Variants in SCN11A observed in about 807,000 individuals in gnomAD.
SCN11A encodes sodium voltage-gated channel alpha subunit 11.
In SCN11A, 122 loss-of-function variants were observed where a neutral mutation model predicts 162.2. The ratio of observed to expected loss-of-function variants is 0.75; its 90% CI spans 0.65 to 0.87. SCN11A has a LOEUF of 0.87. Ranked by LOEUF, SCN11A falls within the 40% of genes least tolerant of loss-of-function variation. SCN11A has a pLI of 0.00. For missense variants in SCN11A, 2,015 were observed against 2,181.6 expected (o/e 0.92, Z 1.52); for synonymous variants, 758 against 751.5 (o/e 1.01, Z -0.14).
intron 2 of SCN11A, among the ~76,000 whole-genome samples, chr3:38,990,265 G>A (rs2030410393): frequency 6.6e-6 from 1 of 152,130 alleles, no homozygotes; most frequent in Non-Finnish European, 1.5e-5. Context: ...GAAACTGCTG[G>A]GCCCCGGGCT....
At position 38,846,627 on chromosome 3, in the gene SCN11A, T is replaced by A. The variant is rs2064667398; in HGVS notation, c.*67A>T. On this transcript the variant is annotated 3_prime_UTR_variant, in exon 30 of 30. Transcript: ENST00000302328. The stretch of plus-strand genomic sequence containing the variant: ...ACTCCCTGTTGATACACTAAGCTGC[T>A]GACCCCTGGAGCTCAGAGGCTGAAG... 5 of 1,285,790 alleles carry A rather than the reference T, an allele frequency of 3.9e-6. No individual in the cohort carries two copies. The Admixed American group carries it at 9.5e-5, about 24-fold the overall frequency. The allele number at this position is 1,285,790 out of a possible 1,614,324, so 79.6% of individuals were successfully genotyped here. A position where few individuals can be genotyped will look rare whatever the true frequency, so the allele number is the denominator to read the frequency against.
intron 17 of SCN11A, among the ~76,000 whole-genome samples, chr3:38,897,761 AT>A (rs1359341026): frequency 2.0e-5 from 3 of 151,788 alleles, no homozygotes; most frequent in African/African-American, 7.3e-5. Context: ...TTTTTTAATC[AT>A]TAAGGACTTT....
intron 7 of SCN11A, among the ~76,000 whole-genome samples, chr3:38,937,143 T>C (rs1357046347): frequency 6.6e-6 from 1 of 152,046 alleles, no homozygotes; most frequent in Non-Finnish European, 1.5e-5. Flanking sequence ...ATTTAATAAA[T>C]GGTGCTGGGA....
chr3:38,849,377 A>C (rs1410728351), intron 29 of SCN11A: 1 of 149,572 alleles, frequency 6.7e-6, no homozygotes. Flanking sequence ...ATCTATTGAT[A>C]AGCTTTATCT....
At chr3:38,849,864 G>A (rs1273726546) in intron 29 of SCN11A, 2 of 152,176 alleles carry the variant, frequency 1.3e-5, no homozygotes, top group East Asian at 3.8e-4. Flanking sequence ...TGGTAAGCGG[G>A]GTCAAAGAAT....
Position 38,871,575 on chromosome 3 carries a change from C to T in SCN11A, c.3629G>A (p.Gly1210Glu), listed in dbSNP as rs2065126612. 1 of 1,613,124 alleles carries T rather than the reference C, an allele frequency of 6.2e-7. No homozygotes were observed. The highest frequency in any genetic ancestry group is 8.5e-7 in the Non-Finnish European group (1 of 1,179,386). ...GGTATAATTTATAACTGAGTCTGTT[C>T]CATTAATGCATTTCCCAAATTTTCC... is the stretch of plus-strand genomic sequence containing the variant. Reference protein sequence around the residue: ...FSGKFGKCINGTDSVINYTII... With the variant: ...FSGKFGKCINETDSVINYTII... The change falls in exon 25 of 30, where the codon GGA (glycine) becomes GAA (glutamate). Residue 1210 changes from glycine (G) to glutamate (E), a missense_variant. Transcript: ENST00000302328.
intron 11 of SCN11A, among the ~76,000 whole-genome samples, chr3:38,915,331 G>C (rs2065944638): frequency 6.6e-6 from 1 of 151,712 alleles, no homozygotes. Context: ...TGTTTATTTG[G>C]ATTTCCTTAT....
chr3:38,847,184 A>G lies in SCN11A; in HGVS notation c.4886T>C (p.Val1629Ala). Residue 1629 changes from valine to alanine, a missense_variant, in exon 30 of 30, where the codon GTG (valine) becomes GCG (alanine). Physicochemically the swap from Val to Ala is moderately conservative, Grantham distance 64 (BLOSUM62 0). Transcript: ENST00000302328. ...TGCTTCTGGGTCAAACTTTTCCCACACTTCATAAAATATGTCAAAGTCATC... is the reference window on the plus strand; with the variant it reads ...TGCTTCTGGGTCAAACTTTTCCCACGCTTCATAAAATATGTCAAAGTCATC... ...GEDDFDIFYE[V>A]WEKFDPEATQ... 6.2e-7 allele frequency: 1 copy of G among 1,614,094 alleles called. No individual in the cohort carries two copies. Among genetic ancestry groups the G allele is most frequent in the East Asian group, 2.2e-5 (1 of 44,876 alleles).
chr3:38,907,985 A>T lies in SCN11A; in HGVS notation c.1437T>A (p.Pro479=). The T allele has an allele frequency of 6.2e-7, 1 of 1,610,262 alleles. No homozygotes were observed. Among genetic ancestry groups the T allele is most frequent in the Non-Finnish European group, 8.5e-7 (1 of 1,179,190 alleles). Residue 479 remains proline, a synonymous_variant, in exon 14 of 30, where the codon CCT becomes CCA. Coordinates refer to ENST00000302328, the MANE Select transcript of SCN11A (RefSeq NM_001349253.2). ...AATCTTCATCAGAATCTGACCCAGG[A>T]GGCTGGTCTTTCCCAGACTCTCTCA... ...FFLRESGKDQ[P]PGSDSDEDCQ...
chr3:38,966,944 T>G lies in SCN11A; in HGVS notation c.-279-6521A>C, dbSNP rs112901030. Among the ~76,000 whole-genome samples, 784 of 152,308 alleles carry G rather than the reference T, an allele frequency of 5.1e-3. 11 individuals carry two copies. The highest frequency in any genetic ancestry group is 0.018 in the African/African-American group (765 of 41,558). On this transcript the variant is annotated intron_variant, in intron 2 of 29. Coordinates refer to ENST00000302328, the MANE Select transcript of SCN11A (RefSeq NM_001349253.2). Reference sequence around the variant, plus strand: ...CAAGCACTCCAGTGTGGGAGTTTATTTGGAAAGTGATCTCAGGAAACAGGA... The same window carrying G: ...CAAGCACTCCAGTGTGGGAGTTTATGTGGAAAGTGATCTCAGGAAACAGGA...
chr3:38,941,530 T>C (rs1185021107), intron 7 of SCN11A, among the ~76,000 whole-genome samples: 1 of 152,210 alleles, frequency 6.6e-6, no homozygotes, highest in East Asian at 1.9e-4. Context: ...GGGTTTATTG[T>C]GTACATTAGC....
intron 2 of SCN11A, among the ~76,000 whole-genome samples, chr3:38,969,111 G>A (rs1370940750): frequency 6.6e-6 from 1 of 152,184 alleles, no homozygotes; most frequent in Non-Finnish European, 1.5e-5. Flanking sequence ...TGGTTGGAGG[G>A]AGGAAGGGAA....
At chr3:38,980,120 TCA>T (rs1491439778) in intron 2 of SCN11A, among the ~76,000 whole-genome samples, 1 of 152,084 alleles carries the variant, frequency 6.6e-6, no homozygotes, top group Non-Finnish European at 1.5e-5. Flanking sequence ...GAGGAAGCTC[TCA>T]GAGGTGCAGA....
At chr3:38,909,429 C>T (rs985298421) in intron 12 of SCN11A, among the ~76,000 whole-genome samples, 1 of 152,100 alleles carries the variant, frequency 6.6e-6, no homozygotes, top group Non-Finnish European at 1.5e-5. Context: ...ACTTTACTAT[C>T]TATAACTCTC....
intron 23 of SCN11A, among the ~76,000 whole-genome samples, chr3:38,873,732 C>T (rs2065164934): frequency 6.6e-6 from 1 of 152,144 alleles, no homozygotes; most frequent in Non-Finnish European, 1.5e-5. Flanking sequence ...ATCAGTGAGA[C>T]ACATAGAAAC....
Position 38,904,000 on chromosome 3 carries a change from G to A in SCN11A, c.1707C>T (p.Val569=), listed in dbSNP as rs2065747795. Residue 569 remains valine, a synonymous_variant, in exon 16 of 30, where the codon GTC becomes GTT. Transcript: ENST00000302328. ...ACGGGTCAGTCATCACAGTTCTCAG[G>A]ACCTTCTTAACGCACAGCCACTGGG... The part of the protein sequence containing the change: ...CCPQWLCVKK[V]LRTVMTDPFT... 1 of 1,613,792 alleles carries A rather than the reference G, an allele frequency of 6.2e-7. No individual in the cohort carries two copies. The highest frequency in any genetic ancestry group is 8.5e-7 in the Non-Finnish European group (1 of 1,179,880).
chr3:38,999,428 A>C lies in SCN11A; in HGVS notation c.-280+32952T>G, dbSNP rs538644708. On this transcript the variant is annotated intron_variant, in intron 2 of 29. Transcript: ENST00000302328. ...AGAAGGTAAATTTTGCAAAATAATCAAGGACTTCACTTTTCTCCAGGACCT... is the reference window on the plus strand; with the variant it reads ...AGAAGGTAAATTTTGCAAAATAATCCAGGACTTCACTTTTCTCCAGGACCT... Among the ~76,000 whole-genome samples, 7 of 152,322 alleles carry C rather than the reference A, an allele frequency of 4.6e-5. No homozygotes were observed. In the South Asian group the frequency reaches 1.5e-3, roughly 32 times the overall value.
At chr3:38,924,366 C>T (rs772101787) in intron 9 of SCN11A, among the ~76,000 whole-genome samples, 1 of 151,004 alleles carries the variant, frequency 6.6e-6, no homozygotes, top group African/African-American at 2.5e-5. Flanking sequence ...TACTCACCAC[C>T]ACATCTAACT....
chr3:38,977,470 G>C (rs567042992), intron 2 of SCN11A, among the ~76,000 whole-genome samples: 1 of 152,326 alleles, frequency 6.6e-6, no homozygotes, highest in South Asian at 2.1e-4. Context: ...CAGTCATGAG[G>C]TTGATACGGG....
Sources: gnomAD v4.1 joint callset for allele counts (sites outside exome capture counted in the v4.1 genomes callset) on GRCh38, gnomAD v4.1.1 for gene constraint, MANE v1.5 for transcripts, NCBI Gene and HGNC (gene_info 2026-07-23, HGNC 2026-07-21) for gene names.